The following CGNL1 variants were observed in gnomAD, a reference collection of about 807,000 sequenced individuals.
CGNL1 encodes the protein cingulin like 1, also known as cingulin-like protein 1.
CGNL1 carries 132 observed loss-of-function variants against 141.2 expected under a neutral mutation model. That is an observed-to-expected ratio of 0.93 (90% CI 0.81 to 1.08). The LOEUF (loss-of-function observed/expected upper bound fraction) is 1.08, where lower values mean the gene tolerates loss of function less well. Among genes scored for constraint, CGNL1 ranks in the 50% least tolerant of loss-of-function variants. CGNL1 has a pLI of 0.00. For missense variants in CGNL1, 1,870 were observed against 1,588.6 expected (o/e 1.18, Z -3.01); for synonymous variants, 690 against 622.1 (o/e 1.11, Z -1.63).
chr15:57,547,638 T>C lies in CGNL1; in HGVS notation c.*148T>C. ...TGCCAGCTCCTCAGTGTTACATTCC[T>C]CGCCAGGGTCTCTCAGTGGGTCTTC... On this transcript the variant is annotated 3_prime_UTR_variant, in exon 19 of 19. Coordinates refer to ENST00000281282, the MANE Select transcript of CGNL1 (RefSeq NM_032866.5). 4 of 873,076 alleles carry C rather than the reference T, an allele frequency of 4.6e-6. No homozygotes were observed. The highest frequency in any genetic ancestry group is 6.9e-6 in the Non-Finnish European group (4 of 582,690). The allele number at this position is 873,076 out of a possible 1,614,324, so 54.1% of individuals were successfully genotyped here.
At chr15:57,521,749 G>A (rs1169579954) in intron 10 of CGNL1, among the ~76,000 whole-genome samples, 2 of 152,116 alleles carry the variant, frequency 1.3e-5, no homozygotes, top group Non-Finnish European at 2.9e-5. Context: ...GAGCAGAAAT[G>A]CATGCACGAA....
chr15:57,383,500 A>G lies in CGNL1; in HGVS notation c.-16+6933A>G, dbSNP rs979940121. ...TTTTTAGTAGAGATGGGGTTTCACC[A>G]TGTTAGCCAGGATGGTCTCTATCTC... is the stretch of plus-strand genomic sequence containing the variant. On this transcript the variant is annotated intron_variant, in intron 1 of 18. Coordinates refer to ENST00000281282, the MANE Select transcript of CGNL1 (RefSeq NM_032866.5). 3.9e-5 allele frequency among the ~76,000 whole-genome samples: 6 copies of G among 151,952 alleles called. No homozygotes were observed. The South Asian group carries it at 1.2e-3, about 32-fold the overall frequency.
intron 1 of CGNL1, chr15:57,405,124 A>T (rs1426999734): frequency 1.3e-5 from 2 of 152,154 alleles, no homozygotes; most frequent in Non-Finnish European, 2.9e-5. Context: ...TGCAAGGGAC[A>T]TGCTAATCTC....
intron 8 of CGNL1, among the ~76,000 whole-genome samples, chr15:57,507,162 A>G (rs2064114431): frequency 6.6e-6 from 1 of 152,238 alleles, no homozygotes; most frequent in African/African-American, 2.4e-5. Flanking sequence ...TTGTATAAAC[A>G]GAATCATACC....
At chr15:57,477,716 A>G (rs1441202165) in intron 8 of CGNL1, 1 of 152,216 alleles carries the variant, frequency 6.6e-6, no homozygotes, top group African/African-American at 2.4e-5. Context: ...AGGCACCAGG[A>G]TGCCAGGCTC....
intron 8 of CGNL1, among the ~76,000 whole-genome samples, chr15:57,515,500 CCTTT>C (rs1244924986): frequency 6.6e-6 from 1 of 152,174 alleles, no homozygotes; most frequent in African/African-American, 2.4e-5. Flanking sequence ...CCTCCCTGGG[CCTTT>C]CTTTTATCGC....
At position 57,400,887 on chromosome 15, in the gene CGNL1, T is replaced by TAA. The variant is rs35735890; in HGVS notation, c.-16+24343_-16+24344dup. Among the ~76,000 whole-genome samples the TAA allele has an allele frequency of 5.0e-3, 392 of 77,826 alleles. 1 individual carries two copies. The highest frequency in any genetic ancestry group is 0.017 in the African/African-American group (338 of 19,676). 51.1% of individuals were successfully genotyped at this position (77,826 alleles called of 152,430 possible). A position where few individuals can be genotyped will look rare whatever the true frequency, so the allele number is the denominator to read the frequency against. On this transcript the variant is annotated intron_variant, in intron 1 of 18. Transcript: ENST00000281282. The stretch of plus-strand genomic sequence containing the variant: ...GACAGAATGAGACCCTGTCTCAAAT[T>TAA]AAAAAAAAAAAAAAAAAAAAAAAAG...
intron 10 of CGNL1, among the ~76,000 whole-genome samples, chr15:57,518,710 C>T (rs747572257): frequency 5.3e-5 from 8 of 152,134 alleles, no homozygotes; most frequent in Non-Finnish European, 1.0e-4. Flanking sequence ...TTGGTTGTCA[C>T]AACTGGAGAG....
chr15:57,458,742 A>T (rs1254394533), intron 7 of CGNL1, among the ~76,000 whole-genome samples: 12 of 152,154 alleles, frequency 7.9e-5, no homozygotes, highest in Admixed American at 5.2e-4. Context: ...CTTCCTTAAG[A>T]AGGGGCTGGG....
intron 1 of CGNL1, among the ~76,000 whole-genome samples, chr15:57,397,492 T>G (rs530858729): frequency 1.7e-4 from 26 of 152,316 alleles, no homozygotes; most frequent in African/African-American, 6.3e-4. Flanking sequence ...GATGTCTTAT[T>G]TATTTTTTGA....
intron 1 of CGNL1, among the ~76,000 whole-genome samples, chr15:57,386,242 G>A (rs985560868): frequency 1.3e-5 from 2 of 152,236 alleles, no homozygotes; most frequent in South Asian, 4.1e-4. Context: ...CATTGGTGGA[G>A]TGGGGCCTGT....
intron 1 of CGNL1, among the ~76,000 whole-genome samples, chr15:57,404,901 A>G (rs1294702150): frequency 3.3e-5 from 5 of 152,218 alleles, no homozygotes; most frequent in African/African-American, 4.8e-5. Flanking sequence ...AGTTCCAACT[A>G]TGCTACTTGC....
At chr15:57,446,689 A>T (rs1346187476) in intron 4 of CGNL1, among the ~76,000 whole-genome samples, 1 of 143,882 alleles carries the variant, frequency 7.0e-6, no homozygotes, top group African/African-American at 2.5e-5. Flanking sequence ...TTTTTTGTAA[A>T]CACACTCACT....
chr15:57,440,109 TA>T lies in CGNL1; in HGVS notation c.1603-253del, dbSNP rs34790913. ...AAAAATAATGATATTGATAAAATGG[TA>T]AAAAAAAAAAAAAAGTAGCTAAGTG... On this transcript the variant is annotated intron_variant, in intron 2 of 18. Transcript: ENST00000281282. Among the ~76,000 whole-genome samples, 1,126 of 142,776 alleles carry T rather than the reference TA, an allele frequency of 7.9e-3. 15 individuals carry two copies. The highest frequency in any genetic ancestry group is 0.022 in the African/African-American group (856 of 38,394). 93.7% of individuals were successfully genotyped at this position (142,776 alleles called of 152,430 possible). A position where few individuals can be genotyped will look rare whatever the true frequency, so the allele number is the denominator to read the frequency against.
At chr15:57,451,786 T>C (rs1342689537) in intron 5 of CGNL1, among the ~76,000 whole-genome samples, 185 bp downstream of exon 5, 1 of 152,172 alleles carries the variant, frequency 6.6e-6, no homozygotes, top group African/African-American at 2.4e-5. Flanking sequence ...TTTTTTTTAA[T>C]GTAACCAAAG....
At chr15:57,520,575 C>G (rs891907412) in intron 10 of CGNL1, among the ~76,000 whole-genome samples, 1 of 152,200 alleles carries the variant, frequency 6.6e-6, no homozygotes, top group African/African-American at 2.4e-5. Flanking sequence ...GTGTTGCTGT[C>G]TAGGGCTACT....
At chr15:57,390,813 G>A (rs2152230386) in intron 1 of CGNL1, among the ~76,000 whole-genome samples, 1 of 152,158 alleles carries the variant, frequency 6.6e-6, no homozygotes, top group African/African-American at 2.4e-5. Context: ...AGGAGCAGAA[G>A]GATGGGCCTG....
At chr15:57,516,277 C>T (rs556292017) in intron 8 of CGNL1, among the ~76,000 whole-genome samples, 3 of 152,140 alleles carry the variant, frequency 2.0e-5, no homozygotes, top group Non-Finnish European at 4.4e-5. Context: ...TCAGCCTGCC[C>T]GAATGCAGTT....
intron 1 of CGNL1, among the ~76,000 whole-genome samples, chr15:57,411,760 T>G (rs1303801063): frequency 2.6e-5 from 4 of 152,016 alleles, no homozygotes; most frequent in African/African-American, 9.7e-5. Context: ...TCACTAGTTT[T>G]TTTTTTTTCT....
Sources: gnomAD v4.1 joint callset for allele counts (sites outside exome capture counted in the v4.1 genomes callset) on GRCh38, gnomAD v4.1.1 for gene constraint, MANE v1.5 for transcripts, NCBI Gene and HGNC (gene_info 2026-07-23, HGNC 2026-07-21) for gene names.